Variants in UNC13C observed in about 807,000 individuals in gnomAD.
UNC13C encodes the protein unc-13 homolog C.
Under a neutral mutation model 245.4 loss-of-function variants are expected in UNC13C, and 174 were observed. The ratio of observed to expected loss-of-function variants is 0.71; its 90% CI spans 0.63 to 0.80. UNC13C has a LOEUF of 0.80. Ranked by LOEUF, UNC13C falls within the 30% of genes least tolerant of loss-of-function variation. The pLI is 0.00. For synonymous variants in UNC13C, 992 were observed against 895.1 expected, an observed-to-expected ratio of 1.11 and a Z score of -1.93; for missense variants, 2,829 against 2,602.9, an observed-to-expected ratio of 1.09 and a Z score of -1.89.
rs1390998954 is a variant in UNC13C, at chr15:54,552,530, A to ATATAATTATATATTATATATAAT, written c.5877+2839_5877+2840insTATAATTATATATTATATATAAT. 6.9e-4 allele frequency among the ~76,000 whole-genome samples: 18 copies of ATATAATTATATATTATATATAAT among 25,954 alleles called. 2 individuals are homozygous for ATATAATTATATATTATATATAAT. The highest frequency in any genetic ancestry group is 2.9e-3 in the East Asian group (2 of 682). The allele number at this position is 25,954 out of a possible 152,430, so 17.0% of individuals were successfully genotyped here. ...TTATATATTATATATTATATATAAT[A>ATATAATTATATATTATATATAAT]ATATAATTATATATTATATTGTATA... On this transcript the variant is annotated intron_variant, in intron 28 of 32. Transcript: ENST00000260323.
At chr15:54,345,467 C>A (rs983991877) in intron 17 of UNC13C, among the ~76,000 whole-genome samples, 3 of 152,090 alleles carry the variant, frequency 2.0e-5, no homozygotes, top group African/African-American at 7.2e-5. Flanking sequence ...TAGTCCCAAC[C>A]CATAAAAACA....
At chr15:53,960,193 C>G in the UNC13C span, among the ~76,000 whole-genome samples, 1 of 152,110 alleles carries the variant, frequency 6.6e-6, no homozygotes, top group Non-Finnish European at 1.5e-5. Flanking sequence ...CTGCTATTGT[C>G]ACCACAGGCA....
intron 18 of UNC13C, among the ~76,000 whole-genome samples, chr15:54,403,914 A>G (rs2040240287): frequency 2.0e-5 from 3 of 152,246 alleles, no homozygotes; most frequent in Admixed American, 6.5e-5. Context: ...GAACCTAAGT[A>G]CAAAAGGAAA....
At chr15:54,299,473 T>C (rs1412287625) in intron 12 of UNC13C, among the ~76,000 whole-genome samples, 1 of 152,278 alleles carries the variant, frequency 6.6e-6, no homozygotes, top group Non-Finnish European at 1.5e-5. Context: ...CAGGGCACTA[T>C]AATTTACTCA....
intron 10 of UNC13C, among the ~76,000 whole-genome samples, chr15:54,288,525 C>T (rs1179863825): frequency 6.6e-6 from 1 of 150,858 alleles, no homozygotes; most frequent in East Asian, 2.0e-4. Flanking sequence ...GCTGTGAGTG[C>T]AGGGACCCAG....
the UNC13C span, among the ~76,000 whole-genome samples, chr15:53,946,089 A>G: frequency 6.6e-6 from 1 of 152,046 alleles, no homozygotes; most frequent in South Asian, 2.1e-4. Flanking sequence ...TGATTTTTTT[A>G]TCCTGATACT....
chr15:54,298,018 T>C (rs1161822476), intron 12 of UNC13C, 92 bp downstream of exon 12: 1 of 911,146 alleles, frequency 1.1e-6, no homozygotes, highest in Non-Finnish European at 1.7e-6. Flanking sequence ...AATCATTGAA[T>C]TTGTAGAGTG....
chr15:54,481,898 A>G (rs75338845), intron 19 of UNC13C, among the ~76,000 whole-genome samples: 4,504 of 152,120 alleles, frequency 0.03, 178 homozygotes, highest in Admixed American at 0.12. Flanking sequence ...TGCAGGACAA[A>G]TCTCTCCTCA....
At chr15:54,300,694 A>C (rs1405645020) in intron 13 of UNC13C, among the ~76,000 whole-genome samples, 1 of 152,168 alleles carries the variant, frequency 6.6e-6, no homozygotes, top group Non-Finnish European at 1.5e-5. Flanking sequence ...TGAGGGTGGA[A>C]TCCAGCAACC....
chr15:54,308,999 T>A (rs1421725491), intron 13 of UNC13C, among the ~76,000 whole-genome samples: 1 of 151,918 alleles, frequency 6.6e-6, no homozygotes, highest in African/African-American at 2.4e-5. Flanking sequence ...CATACTGATT[T>A]ATTTTCTTTG....
chr15:53,981,139 C>T (rs1330290251), intron 1 of UNC13C, among the ~76,000 whole-genome samples: 1 of 152,144 alleles, frequency 6.6e-6, no homozygotes, highest in East Asian at 1.9e-4. Context: ...CCCCGATTCT[C>T]CAGGCACTTT....
intron 4 of UNC13C, among the ~76,000 whole-genome samples, chr15:54,175,484 A>G (rs1296978064): frequency 6.6e-6 from 1 of 150,442 alleles, no homozygotes; most frequent in Non-Finnish European, 1.5e-5. Flanking sequence ...TTGTTCCCAA[A>G]AACACTGTTG....
chr15:54,545,452 T>C (rs1313039181), intron 26 of UNC13C, among the ~76,000 whole-genome samples: 1 of 151,944 alleles, frequency 6.6e-6, no homozygotes, highest in Non-Finnish European at 1.5e-5. Context: ...ACAAATGGGA[T>C]CTAATTAAAC....
chr15:54,087,224 TA>T (rs1013781729), intron 2 of UNC13C, among the ~76,000 whole-genome samples: 4 of 151,858 alleles, frequency 2.6e-5, no homozygotes, highest in African/African-American at 7.2e-5. Flanking sequence ...GCAGTTTTTT[TA>T]AAAAAAATAA....
intron 4 of UNC13C, among the ~76,000 whole-genome samples, chr15:54,214,316 G>C (rs1185840967): frequency 1.3e-5 from 2 of 151,818 alleles, no homozygotes; most frequent in African/African-American, 4.8e-5. Flanking sequence ...AAATGAGCAG[G>C]ACCTGAAAGG....
intron 4 of UNC13C, among the ~76,000 whole-genome samples, chr15:54,172,681 G>A (rs2033444289): frequency 1.9e-5 from 2 of 105,790 alleles, no homozygotes; most frequent in African/African-American, 3.5e-5. Context: ...ATTAATTTAT[G>A]ACAAAGTCAA....
At chr15:54,062,404 C>T (rs1252703539) in intron 2 of UNC13C, among the ~76,000 whole-genome samples, 1 of 152,002 alleles carries the variant, frequency 6.6e-6, no homozygotes, top group Non-Finnish European at 1.5e-5. Context: ...AGAGGATGAT[C>T]CCAGCACCAC....
intron 19 of UNC13C, among the ~76,000 whole-genome samples, chr15:54,473,216 T>G (rs907176586): frequency 1.5e-5 from 2 of 133,560 alleles, no homozygotes; most frequent in Non-Finnish European, 3.4e-5. Context: ...TTATTTTATT[T>G]TATTTTATTT....
At chr15:54,515,855 A>T (rs1232018753) in intron 24 of UNC13C, among the ~76,000 whole-genome samples, 1 of 152,158 alleles carries the variant, frequency 6.6e-6, no homozygotes, top group African/African-American at 2.4e-5. Context: ...TATTGTTATG[A>T]CTCAAAAAAG....
Sources: allele counts gnomAD v4.1 joint callset (sites outside exome capture counted in the v4.1 genomes callset), GRCh38; gene constraint gnomAD v4.1.1; transcripts MANE v1.5; gene names NCBI Gene and HGNC (gene_info 2026-07-23, HGNC 2026-07-21).